Variants in SLAIN2 observed in about 807,000 individuals in gnomAD.
SLAIN2 encodes the protein SLAIN motif-containing protein 2.
A neutral mutation model predicts 56.6 loss-of-function variants in SLAIN2; 31 were observed. The observed-to-expected ratio is 0.55, with a 90% CI of 0.41 to 0.74. The LOEUF (loss-of-function observed/expected upper bound fraction) is 0.74, where lower values mean the gene tolerates loss of function less well. SLAIN2 is among the 30% of genes least tolerant of loss of function. The pLI is 0.00. For synonymous variants in SLAIN2, 317 were observed against 284.9 expected, an observed-to-expected ratio of 1.11 and a Z score of -1.13; for missense variants, 777 against 754.2, an observed-to-expected ratio of 1.03 and a Z score of -0.35.
intron 2 of SLAIN2, among the ~76,000 whole-genome samples, chr4:48,372,210 G>C (rs1329044994): frequency 6.6e-6 from 1 of 152,058 alleles, no homozygotes; most frequent in African/African-American, 2.4e-5. Context: ...CAACACTGAA[G>C]TTATGGCAGT....
At chr4:48,393,527 G>A (rs1716287645) in intron 6 of SLAIN2, among the ~76,000 whole-genome samples, 1 of 152,010 alleles carries the variant, frequency 6.6e-6, no homozygotes, top group Non-Finnish European at 1.5e-5. Flanking sequence ...GGGATTATAG[G>A]CATGAACCAC....
At chr4:48,345,972 C>T (rs1714852918) in intron 1 of SLAIN2, among the ~76,000 whole-genome samples, 2 of 101,874 alleles carry the variant, frequency 2.0e-5, no homozygotes, top group Admixed American at 2.5e-4. Flanking sequence ...GCCCATATAA[C>T]ATTTTGTGTA....
intron 3 of SLAIN2, among the ~76,000 whole-genome samples, chr4:48,379,153 A>G (rs1715904946): frequency 6.6e-6 from 1 of 152,154 alleles, no homozygotes; most frequent in Admixed American, 6.5e-5. Flanking sequence ...TTAGAATGAT[A>G]AAGTACTTTA....
rs537706301 is a variant in SLAIN2, at chr4:48,371,170, A to G, written c.538+1173A>G. On this transcript the variant is annotated intron_variant, in intron 2 of 7. Coordinates refer to ENST00000264313, the MANE Select transcript of SLAIN2 (RefSeq NM_020846.2). The stretch of plus-strand genomic sequence containing the variant: ...GCCCAGGCTGGAGTGCAGTGGTGTG[A>G]TCTTGGCTCACTGCAGCCTCAGCCT... Among the ~76,000 whole-genome samples, 6 of 143,574 alleles carry G rather than the reference A, an allele frequency of 4.2e-5. 1 individual carries two copies. Among genetic ancestry groups the G allele is most frequent in the African/African-American group, 1.6e-4 (6 of 38,206 alleles). 94.2% of individuals were successfully genotyped at this position (143,574 alleles called of 152,430 possible).
At chr4:48,342,220 T>G (rs1336362245) in intron 1 of SLAIN2, 92 bp downstream of exon 1, 2 of 1,313,090 alleles carry the variant, frequency 1.5e-6, no homozygotes, top group East Asian at 3.1e-5. Context: ...GCGCCTCGCT[T>G]TGTGTAGCCG....
chr4:48,355,757 A>G (rs954050550), intron 1 of SLAIN2, among the ~76,000 whole-genome samples: 1 of 151,920 alleles, frequency 6.6e-6, no homozygotes, highest in Non-Finnish European at 1.5e-5. Context: ...TACACATTTT[A>G]TATGTTTATA....
chr4:48,388,643 T>C (rs1716159198), intron 6 of SLAIN2, among the ~76,000 whole-genome samples: 1 of 152,194 alleles, frequency 6.6e-6, no homozygotes, highest in Admixed American at 6.5e-5. Flanking sequence ...AAGGCCAGAT[T>C]TCTCCCTCTT....
intron 6 of SLAIN2, among the ~76,000 whole-genome samples, chr4:48,411,522 A>G (rs1716846245): frequency 6.6e-6 from 1 of 151,858 alleles, no homozygotes. Context: ...CAGCATTTTG[A>G]ACTCTTCCCT....
chr4:48,399,637 G>A (rs1716494761), intron 6 of SLAIN2, among the ~76,000 whole-genome samples: 2 of 151,996 alleles, frequency 1.3e-5, no homozygotes, highest in Admixed American at 6.6e-5. Flanking sequence ...ATTGGCTGTG[G>A]GTTTGTCGTA....
chr4:48,402,665 A>G (rs753210024), intron 6 of SLAIN2, among the ~76,000 whole-genome samples: 1 of 152,226 alleles, frequency 6.6e-6, no homozygotes, highest in South Asian at 2.1e-4. Context: ...GTATTGTTTT[A>G]TCATGATTCT....
chr4:48,396,779 G>A (rs1404051325), intron 6 of SLAIN2, among the ~76,000 whole-genome samples: 1 of 152,128 alleles, frequency 6.6e-6, no homozygotes, highest in Admixed American at 6.5e-5. Context: ...ACAGGATCAT[G>A]GGAGGAGGAA....
At chr4:48,396,771 A>G (rs1298982234) in intron 6 of SLAIN2, among the ~76,000 whole-genome samples, 1 of 152,214 alleles carries the variant, frequency 6.6e-6, no homozygotes, top group Non-Finnish European at 1.5e-5. Flanking sequence ...TAGGGGTGAC[A>G]GGATCATGGG....
chr4:48,350,373 G>T (rs573345429), intron 1 of SLAIN2, among the ~76,000 whole-genome samples: 1 of 152,154 alleles, frequency 6.6e-6, no homozygotes, highest in East Asian at 1.9e-4. Flanking sequence ...TTACCCTTCT[G>T]CTAGGAACAT....
At chr4:48,417,903 G>A (rs1406224244) in intron 6 of SLAIN2, among the ~76,000 whole-genome samples, 3 of 152,148 alleles carry the variant, frequency 2.0e-5, no homozygotes, top group Non-Finnish European at 4.4e-5. Context: ...GATTTCTAAT[G>A]TTCGTTGCTG....
At chr4:48,393,004 T>C (rs1716275797) in intron 6 of SLAIN2, among the ~76,000 whole-genome samples, 1 of 151,336 alleles carries the variant, frequency 6.6e-6, no homozygotes, top group Non-Finnish European at 1.5e-5. Context: ...ATATAAATGG[T>C]TGAAAACATG....
chr4:48,418,764 C>T (rs952030176), intron 6 of SLAIN2, among the ~76,000 whole-genome samples: 7 of 152,122 alleles, frequency 4.6e-5, no homozygotes, highest in African/African-American at 1.7e-4. Context: ...AGGTTGCTCC[C>T]AACCTCCAAC....
In SLAIN2 at chr4:48,341,978, G is replaced by A. The variant is rs776588859; in HGVS notation, c.239G>A (p.Gly80Glu). ...GLSAKSGGGP[G>E]SGPRRTSSEE... ...AGCGCCAAGTCGGGCGGCGGGCCCG[G>A]GTCGGGCCCGAGGCGGACGAGTAGC... is the stretch of plus-strand genomic sequence containing the variant. Residue 80 changes from glycine (G) to glutamate (E), a missense_variant, in exon 1 of 8, where the codon GGG becomes GAG. Transcript: ENST00000264313. The A allele has an allele frequency of 1.0e-5, 15 of 1,434,128 alleles. No individual in the cohort carries two copies. The highest frequency in any genetic ancestry group is 3.3e-5 in the Admixed American group (1 of 29,938). The allele number at this position is 1,434,128 out of a possible 1,614,324, so 88.8% of individuals were successfully genotyped here.
chr4:48,367,930 T>TCCTA (rs1379500744), intron 1 of SLAIN2, among the ~76,000 whole-genome samples: 1 of 152,026 alleles, frequency 6.6e-6, no homozygotes, highest in Admixed American at 6.6e-5. Context: ...TCATTCCCAT[T>TCCTA]CCTACCTCCA....
At position 48,378,038 on chromosome 4, in the gene SLAIN2, G is replaced by T; in HGVS notation, c.681G>T (p.Gln227His). 6.2e-7 allele frequency: 1 copy of T among 1,613,064 alleles called. No individual in the cohort carries two copies. Among genetic ancestry groups the T allele is most frequent in the Non-Finnish European group, 8.5e-7 (1 of 1,179,672 alleles). The change falls in exon 3 of 8, where the codon CAG becomes CAT. Residue 227 changes from glutamine to histidine, a missense_variant. By Grantham distance (24) the Gln-to-His change is conservative. Coordinates refer to ENST00000264313, the MANE Select transcript of SLAIN2 (RefSeq NM_020846.2). ...CAGTGCGACCTCCTATAGTCAAACA[G>T]CTTATACTTCCTGGAAATTCAGGTA... ...STPVRPPIVKQLILPGNSGNL... is the reference protein window; with the variant it reads ...STPVRPPIVKHLILPGNSGNL...
Sources: gnomAD v4.1 joint callset for allele counts (sites outside exome capture counted in the v4.1 genomes callset) on GRCh38, gnomAD v4.1.1 for gene constraint, MANE v1.5 for transcripts, NCBI Gene and HGNC (gene_info 2026-07-23, HGNC 2026-07-21) for gene names.